The following ASTN2 variants were observed in gnomAD, a reference collection of about 807,000 sequenced individuals.
ASTN2 encodes the protein astrotactin 2.
ASTN2 carries 54 observed loss-of-function variants against 139.8 expected under a neutral mutation model. The ratio of observed to expected loss-of-function variants is 0.39; its 90% CI spans 0.31 to 0.48. ASTN2 has a LOEUF of 0.48. Ranked by LOEUF, ASTN2 falls within the 20% of genes least tolerant of loss-of-function variation. The probability of loss-of-function intolerance (pLI) is 0.95; values close to 1 mark genes in which losing one functional copy is unlikely to be tolerated. For synonymous variants in ASTN2, 756 were observed against 719.5 expected, an observed-to-expected ratio of 1.05 and a Z score of -0.81; for missense variants, 1,565 against 1,725.1, an observed-to-expected ratio of 0.91 and a Z score of 1.64.
Position 117,141,325 on chromosome 9 carries a change from C to A in ASTN2, c.1168+1G>T. On this transcript the variant is annotated splice_donor_variant, in intron 4 of 22. Transcript: ENST00000313400. LOFTEE classifies it high-confidence loss of function. ...TGGCCAGATGTGCCAGGAGGGCCTACCTCGAGACTTGCTCCTCCGCTTCCT... is the reference window on the plus strand; with the variant it reads ...TGGCCAGATGTGCCAGGAGGGCCTAACTCGAGACTTGCTCCTCCGCTTCCT... The A allele has an allele frequency of 1.5e-6, 2 of 1,367,114 alleles. No individual in the cohort carries two copies. Among genetic ancestry groups the A allele is most frequent in the South Asian group, 2.3e-5 (2 of 87,986 alleles). The allele number at this position is 1,367,114 out of a possible 1,614,324, so 84.7% of individuals were successfully genotyped here.
chr9:116,673,351 T>C (rs1444815558), intron 16 of ASTN2, among the ~76,000 whole-genome samples: 1 of 152,232 alleles, frequency 6.6e-6, no homozygotes. Context: ...GTGTTAACTA[T>C]TGTTATCCCT....
intron 19 of ASTN2, among the ~76,000 whole-genome samples, chr9:116,578,617 AACGTGT>A (rs1853820059): frequency 9.4e-6 from 1 of 105,974 alleles, no homozygotes; most frequent in Admixed American, 1.0e-4. Flanking sequence ...GTCTGGCTCC[AACGTGT>A]GTGTGTGTGT....
intron 10 of ASTN2, among the ~76,000 whole-genome samples, chr9:116,907,044 T>C (rs1426365067): frequency 6.6e-6 from 1 of 152,210 alleles, no homozygotes; most frequent in Non-Finnish European, 1.5e-5. Flanking sequence ...ATTCATTTTC[T>C]CATCTGACTC....
chr9:117,077,078 T>C (rs1828301433), intron 5 of ASTN2, among the ~76,000 whole-genome samples: 1 of 152,094 alleles, frequency 6.6e-6, no homozygotes, highest in East Asian at 1.9e-4. Context: ...AGCCGTTTGT[T>C]ACCAGGCAGC....
chr9:116,458,530 T>A (rs1848397627), intron 20 of ASTN2, among the ~76,000 whole-genome samples: 1 of 151,474 alleles, frequency 6.6e-6, no homozygotes, highest in South Asian at 2.1e-4. Context: ...ATAAAAAAAA[T>A]TAAAAAATAA....
At chr9:117,382,837 C>T (rs1001225890) in intron 1 of ASTN2, among the ~76,000 whole-genome samples, 2 of 152,088 alleles carry the variant, frequency 1.3e-5, no homozygotes, top group Non-Finnish European at 2.9e-5. Context: ...AATATCTAGG[C>T]AAAGGACTAA....
At chr9:116,543,437 C>CAAA (rs889238650) in intron 19 of ASTN2, among the ~76,000 whole-genome samples, 3 of 121,934 alleles carry the variant, frequency 2.5e-5, no homozygotes. Flanking sequence ...CACCCTGTCT[C>CAAA]AAAAAAAAAA....
intron 5 of ASTN2, among the ~76,000 whole-genome samples, chr9:117,080,340 TC>T (rs1449956857): frequency 6.6e-6 from 1 of 152,210 alleles, no homozygotes; most frequent in African/African-American, 2.4e-5. Flanking sequence ...GGATGCATCA[TC>T]ATTTACTTAG....
chr9:116,703,048 C>A (rs111712973), intron 16 of ASTN2, among the ~76,000 whole-genome samples: 4 of 151,884 alleles, frequency 2.6e-5, no homozygotes, highest in East Asian at 3.9e-4. Flanking sequence ...CCTGAGGAAT[C>A]GCCACACTGA....
At chr9:116,711,735 C>T (rs981294416) in intron 16 of ASTN2, among the ~76,000 whole-genome samples, 1 of 152,188 alleles carries the variant, frequency 6.6e-6, no homozygotes, top group Non-Finnish European at 1.5e-5. Flanking sequence ...CCTCACCTTT[C>T]ACCTTCTACT....
intron 16 of ASTN2, among the ~76,000 whole-genome samples, chr9:116,681,685 C>G (rs563709795): frequency 1.1e-4 from 16 of 152,248 alleles, no homozygotes; most frequent in African/African-American, 3.4e-4. Context: ...AGATATAGAT[C>G]AATGGAACAG....
rs141460219 is a variant in ASTN2, at chr9:116,724,814, T to A, written c.2806+957A>T. Among the ~76,000 whole-genome samples, 984 of 152,314 alleles carry A rather than the reference T, an allele frequency of 6.5e-3. 10 individuals are homozygous for A. The highest frequency in any genetic ancestry group is 0.022 in the African/African-American group (934 of 41,566). ...GAGACTTTCTTTTACAAATAGTTGA[T>A]AATAATAGTATTAACTATATCAAGA... On this transcript the variant is annotated intron_variant, in intron 16 of 22. Coordinates refer to ENST00000313400, the MANE Select transcript of ASTN2 (RefSeq NM_001365068.1).
chr9:116,836,584 T>C (rs1307823738), intron 11 of ASTN2, among the ~76,000 whole-genome samples: 1 of 151,754 alleles, frequency 6.6e-6, no homozygotes, highest in Admixed American at 6.6e-5. Flanking sequence ...TTGTTTTGTT[T>C]TGTTTTGTTT....
intron 4 of ASTN2, among the ~76,000 whole-genome samples, chr9:117,113,783 C>T (rs986143080): frequency 6.6e-6 from 1 of 152,016 alleles, no homozygotes; most frequent in African/African-American, 2.4e-5. Context: ...TGTGTGAGTC[C>T]ATTTAAATGA....
intron 7 of ASTN2, among the ~76,000 whole-genome samples, chr9:116,988,575 G>A (rs1379450033): frequency 6.6e-6 from 1 of 152,132 alleles, no homozygotes; most frequent in Non-Finnish European, 1.5e-5. Flanking sequence ...GGAGGAAACT[G>A]AAGCCGCAAA....
chr9:117,062,023 T>A (rs1368504702), intron 5 of ASTN2, among the ~76,000 whole-genome samples: 1 of 152,182 alleles, frequency 6.6e-6, no homozygotes, highest in Non-Finnish European at 1.5e-5. Flanking sequence ...CCCAAGGCCA[T>A]ATAGCTGGTA....
At chr9:117,111,552 G>A (rs1414723236) in intron 4 of ASTN2, among the ~76,000 whole-genome samples, 2 of 151,992 alleles carry the variant, frequency 1.3e-5, no homozygotes, top group African/African-American at 4.8e-5. Context: ...ATTAAACCAT[G>A]TCTAAAGGAC....
At chr9:117,060,230 G>A (rs565194619) in intron 5 of ASTN2, among the ~76,000 whole-genome samples, 80 of 151,238 alleles carry the variant, frequency 5.3e-4, no homozygotes, top group Middle Eastern at 3.4e-3. Flanking sequence ...AGAATTGCTT[G>A]AACCTGGGAG....
rs376853424 is a variant in ASTN2 at position 117,148,679 on chromosome 9, A to G, written c.1016-7201T>C. On this transcript the variant is annotated intron_variant, in intron 3 of 22. Transcript: ENST00000313400. ...ATTTTGTGCGCCAATTTACTAAACCATGATATCCAGGTATTTGGCCAAACA... is the reference window on the plus strand; with the variant it reads ...ATTTTGTGCGCCAATTTACTAAACCGTGATATCCAGGTATTTGGCCAAACA... Among the ~76,000 whole-genome samples the G allele has an allele frequency of 6.6e-5, 10 of 152,316 alleles. No homozygotes were observed. In the South Asian group the frequency reaches 2.1e-3, roughly 32 times the overall value.
Sources: allele counts gnomAD v4.1 joint callset (sites outside exome capture counted in the v4.1 genomes callset), GRCh38; gene constraint gnomAD v4.1.1; transcripts MANE v1.5; gene names NCBI Gene and HGNC (gene_info 2026-07-23, HGNC 2026-07-21).